UGT1A10: variants seen among roughly 807,000 people sequenced by gnomAD.
UGT1A10 encodes UDP glucuronosyltransferase family 1 member A10, also known as UDP-glucuronosyltransferase 1A10.
Under a neutral mutation model 45.8 loss-of-function variants are expected in UGT1A10, and 49 were observed. The ratio of observed to expected loss-of-function variants is 1.07; its 90% CI spans 0.85 to 1.36. The LOEUF (loss-of-function observed/expected upper bound fraction) is 1.36, where lower values mean the gene tolerates loss of function less well. Ranked by LOEUF, UGT1A10 falls within the 40% of genes most tolerant of loss-of-function variation. UGT1A10 has a pLI of 0.00. For missense variants in UGT1A10, 745 were observed against 668.6 expected (o/e 1.11, Z -1.26); for synonymous variants, 284 against 249.7 (o/e 1.14, Z -1.29).
chr2:233,661,203 T>A (rs2073957521), intron 1 of UGT1A10, among the ~76,000 whole-genome samples: 1 of 151,828 alleles, frequency 6.6e-6, no homozygotes. Context: ...TCCCCAACAG[T>A]CTGGTCTATT....
At chr2:233,662,992 A>C (rs1284877351) in intron 1 of UGT1A10, among the ~76,000 whole-genome samples, 1 of 152,220 alleles carries the variant, frequency 6.6e-6, no homozygotes, top group African/African-American at 2.4e-5. Context: ...CACATAGCAT[A>C]AACCTTGTCA....
intron 1 of UGT1A10, among the ~76,000 whole-genome samples, chr2:233,676,363 A>C (rs2074357539): frequency 6.6e-6 from 1 of 152,206 alleles, no homozygotes; most frequent in Admixed American, 6.5e-5. Context: ...ATAGGATTAT[A>C]GCAAGGTTAC....
chr2:233,756,694 GA>G (rs888439018), intron 1 of UGT1A10, among the ~76,000 whole-genome samples: 3 of 152,120 alleles, frequency 2.0e-5, no homozygotes, highest in Non-Finnish European at 2.9e-5. Flanking sequence ...TAATGACGAT[GA>G]ATTTTGGGGG....
At chr2:233,672,275 A>G in intron 1 of UGT1A10, 1 of 1,613,916 alleles carries the variant, frequency 6.2e-7, no homozygotes, top group Non-Finnish European at 8.5e-7. Flanking sequence ...GGTTCATACA[A>G]TGACATTTTT....
At chr2:233,682,480 A>T in intron 1 of UGT1A10, 1 of 1,613,942 alleles carries the variant, frequency 6.2e-7, no homozygotes, top group Non-Finnish European at 8.5e-7. Flanking sequence ...AAGAAGGTGC[A>T]CAGTGCCCTG....
At chr2:233,716,666 G>A (rs1298911663) in intron 1 of UGT1A10, among the ~76,000 whole-genome samples, 1 of 152,050 alleles carries the variant, frequency 6.6e-6, no homozygotes, top group East Asian at 1.9e-4. Flanking sequence ...AGGAAGCTTT[G>A]TTTACCCCAA....
intron 1 of UGT1A10, among the ~76,000 whole-genome samples, chr2:233,671,265 G>GT (rs2074184102): frequency 6.6e-6 from 1 of 152,202 alleles, no homozygotes; most frequent in South Asian, 2.1e-4. Flanking sequence ...TGCGTGCGAT[G>GT]TATCTTAGGA....
At chr2:233,643,864 A>AG (rs1559321973) in intron 1 of UGT1A10, among the ~76,000 whole-genome samples, 2 of 152,166 alleles carry the variant, frequency 1.3e-5, no homozygotes, top group Non-Finnish European at 1.5e-5. Flanking sequence ...GGCCTGGCAC[A>AG]GGGGCCTCAT....
At chr2:233,743,597 T>A in intron 1 of UGT1A10, 1 of 1,367,346 alleles carries the variant, frequency 7.3e-7, no homozygotes. Flanking sequence ...GAATGGGTCC[T>A]GGCCGCCGAA....
chr2:233,672,105 A>G (rs772969942), intron 1 of UGT1A10: 1 of 1,614,176 alleles, frequency 6.2e-7, no homozygotes, highest in Non-Finnish European at 8.5e-7. Context: ...AGGTGGTTGT[A>G]GTCATGCCAG....
chr2:233,647,651 A>C (rs28969988), intron 1 of UGT1A10, among the ~76,000 whole-genome samples: 1 of 152,190 alleles, frequency 6.6e-6, no homozygotes, highest in Non-Finnish European at 1.5e-5. Flanking sequence ...TGTCCATTCC[A>C]TCTAAGTTGT....
intron 1 of UGT1A10, among the ~76,000 whole-genome samples, chr2:233,741,104 C>CA (rs1259061877): frequency 6.6e-6 from 1 of 151,798 alleles, no homozygotes; most frequent in South Asian, 2.1e-4. Context: ...AACAGACAAT[C>CA]AAGCTTTACA....
intron 1 of UGT1A10, chr2:233,756,150 C>G (rs1696134000): frequency 6.6e-6 from 1 of 152,108 alleles, no homozygotes; most frequent in Non-Finnish European, 1.5e-5. Flanking sequence ...CTGGGGATCC[C>G]TAGGATTTCC....
intron 1 of UGT1A10, among the ~76,000 whole-genome samples, chr2:233,684,010 T>C (rs1275179679): frequency 6.6e-6 from 1 of 152,204 alleles, no homozygotes; most frequent in Admixed American, 6.5e-5. Flanking sequence ...AAGAGTAAGA[T>C]TCTTGGCAAA....
intron 1 of UGT1A10, among the ~76,000 whole-genome samples, chr2:233,748,850 A>G (rs542055799): frequency 6.6e-6 from 1 of 151,628 alleles, no homozygotes; most frequent in East Asian, 1.9e-4. Context: ...GTGAGCGTAT[A>G]AGCCCAGTTA....
At chr2:233,726,581 C>T (rs2077543368) in intron 1 of UGT1A10, among the ~76,000 whole-genome samples, 1 of 152,182 alleles carries the variant, frequency 6.6e-6, no homozygotes, top group Non-Finnish European at 1.5e-5. Flanking sequence ...GTCTCCTTCA[C>T]TTGTAAGAGC....
intron 1 of UGT1A10, chr2:233,729,245 A>C (rs548939333): frequency 5.1e-5 from 82 of 1,614,188 alleles, no homozygotes; most frequent in South Asian, 2.9e-4. Context: ...GATGGCAGCC[A>C]CTGGCTCAGC....
intron 1 of UGT1A10, chr2:233,713,093 G>A (rs755118222): frequency 8.1e-6 from 13 of 1,614,096 alleles, no homozygotes; most frequent in Middle Eastern, 1.6e-4. Context: ...TGCTGGTGGT[G>A]CCCACTGATG....
Position 233,638,893 on chromosome 2 carries a change from C to T in UGT1A10, c.855+1516C>T, listed in dbSNP as rs187845862. Among the ~76,000 whole-genome samples, 12 of 152,310 alleles carry T rather than the reference C, an allele frequency of 7.9e-5. 1 individual carries two copies. The highest frequency in any genetic ancestry group is 2.6e-4 in the African/African-American group (11 of 41,570). The stretch of plus-strand genomic sequence containing the variant: ...ACTTTCAGCTCATGGCAAGACCAGG[C>T]GAGGAGATGCAAGTTGCAGGACTCT... On this transcript the variant is annotated intron_variant, in intron 1 of 4. Coordinates refer to ENST00000344644, the MANE Select transcript of UGT1A10 (RefSeq NM_019075.4).
Sources: allele counts gnomAD v4.1 joint callset (sites outside exome capture counted in the v4.1 genomes callset), GRCh38; gene constraint gnomAD v4.1.1; transcripts MANE v1.5; gene names NCBI Gene and HGNC (gene_info 2026-07-23, HGNC 2026-07-21).